NRDE2: variants seen among roughly 807,000 people sequenced by gnomAD.
The protein encoded by NRDE2 is NRDE-2, necessary for RNA interference, domain containing.
Under a neutral mutation model 124.2 loss-of-function variants are expected in NRDE2, and 76 were observed. The ratio of observed to expected loss-of-function variants is 0.61; its 90% CI spans 0.51 to 0.74. The LOEUF is 0.74. Among genes scored for constraint, NRDE2 ranks in the 30% least tolerant of loss-of-function variants. NRDE2 has a pLI of 0.00. For missense variants in NRDE2, 1,314 were observed against 1,417.3 expected, an observed-to-expected ratio of 0.93 and a Z score of 1.17; for synonymous variants, 489 against 528.1, an observed-to-expected ratio of 0.93 and a Z score of 1.01.
rs139954860 is a variant in NRDE2, at chr14:90,272,393, G to T, written c.*5943C>A. ...TAAGAAACAGGAAGGCACCCCTGAG[G>T]GGCTGTATCTCTAATGAACCATGGC... is the stretch of plus-strand genomic sequence containing the variant. On this transcript the variant is annotated 3_prime_UTR_variant, in exon 14 of 14. Coordinates refer to ENST00000354366, the MANE Select transcript of NRDE2 (RefSeq NM_017970.4). The surrounding 1 kb of genome is among the most constrained non-coding windows in gnomAD (Gnocchi z 4.5). The T allele has an allele frequency of 1.9e-6, 3 of 1,559,964 alleles. No homozygotes were observed. Among genetic ancestry groups the T allele is most frequent in the Non-Finnish European group, 2.6e-6 (3 of 1,151,136 alleles).
chr14:90,301,201 G>T, intron 7 of NRDE2, 38 bp downstream of exon 7: 1 of 1,604,806 alleles, frequency 6.2e-7, no homozygotes, highest in Non-Finnish European at 8.5e-7. Context: ...CAGAGAAAGA[G>T]CCAGGAAGAG....
chr14:90,288,836 C>T lies in NRDE2; in HGVS notation c.2539G>A (p.Val847Ile), dbSNP rs750783806. Residue 847 changes from valine (V) to isoleucine (I), a missense_variant, in exon 11 of 14, where the codon GTT (valine) becomes ATT (isoleucine). Val to Ile is a conservative substitution (Grantham distance 29). Coordinates refer to ENST00000354366, the MANE Select transcript of NRDE2 (RefSeq NM_017970.4). ...EVRRAATARA[V>I]HILTKLTESS... ...TCAGTCAGCTTGGTTAATATGTGAA[C>T]AGCTCGAGCTGTGGCAGCCCTTCTC... 2.2e-5 allele frequency: 36 copies of T among 1,614,024 alleles called. No individual in the cohort carries two copies. In the East Asian group the frequency reaches 3.1e-4, roughly 14 times the overall value.
Position 90,275,441 on chromosome 14 carries a change from T to A in NRDE2, c.*2895A>T, listed in dbSNP as rs192867333. 1 of 152,210 alleles carries A rather than the reference T, an allele frequency of 6.6e-6. No homozygotes were observed. Among genetic ancestry groups the A allele is most frequent in the Non-Finnish European group, 1.5e-5 (1 of 68,036 alleles). The allele number at this position is 152,210 out of a possible 1,614,324, so 9.4% of individuals were successfully genotyped here. A position where few individuals can be genotyped will look rare whatever the true frequency, so the allele number is the denominator to read the frequency against. ...AACAAAAAACCCCAGCACATCAGTA[T>A]TGCCTTTTCCTCATTGGTAATAGCT... On this transcript the variant is annotated 3_prime_UTR_variant, in exon 14 of 14. Coordinates refer to ENST00000354366, the MANE Select transcript of NRDE2 (RefSeq NM_017970.4).
chr14:90,329,171 G>A (rs1885569166), intron 1 of NRDE2, among the ~76,000 whole-genome samples: 2 of 152,092 alleles, frequency 1.3e-5, no homozygotes, highest in South Asian at 2.1e-4. Context: ...GCAAAAGTTC[G>A]ATTTCCCCCT....
rs139303187 is a variant in NRDE2 at position 90,331,905 on chromosome 14, G to A, written c.-1C>T. The A allele has an allele frequency of 2.5e-6, 4 of 1,613,990 alleles. No individual in the cohort carries two copies. Among genetic ancestry groups the A allele is most frequent in the Non-Finnish European group, 3.4e-6 (4 of 1,180,052 alleles). On this transcript the variant is annotated 5_prime_UTR_variant, in exon 1 of 14. Coordinates refer to ENST00000354366, the MANE Select transcript of NRDE2 (RefSeq NM_017970.4). Reference sequence around the variant, plus strand: ...CCGCAAAGGCTGGGAACAGCGCCATGACCACAGGCCGTACCTCCGTTCTTC... The same window carrying A: ...CCGCAAAGGCTGGGAACAGCGCCATAACCACAGGCCGTACCTCCGTTCTTC...
chr14:90,303,612 T>A (rs931140579), intron 5 of NRDE2, among the ~76,000 whole-genome samples: 2 of 152,204 alleles, frequency 1.3e-5, no homozygotes, highest in Non-Finnish European at 2.9e-5. Context: ...CCCTACCTGG[T>A]GAACATCTCT....
intron 3 of NRDE2, 23 bp from the exon 4 acceptor site, chr14:90,312,566 G>A: frequency 1.9e-6 from 3 of 1,613,342 alleles, no homozygotes; most frequent in Non-Finnish European, 1.7e-6. Context: ...GGAAGAAGAA[G>A]AAGGGAGAGG....
Position 90,270,393 on chromosome 14 carries a change from C to T in NRDE2, c.*7943G>A. The stretch of plus-strand genomic sequence containing the variant: ...TGTCAGCTTATTTCTGGGAATGTGG[C>T]CGTCAATCAGGAAAGAGTCTATATG... On this transcript the variant is annotated 3_prime_UTR_variant, in exon 14 of 14. Coordinates refer to ENST00000354366, the MANE Select transcript of NRDE2 (RefSeq NM_017970.4). 5 of 1,588,804 alleles carry T rather than the reference C, an allele frequency of 3.1e-6. No individual in the cohort carries two copies. In the South Asian group the frequency reaches 3.4e-5, roughly 11 times the overall value.
At chr14:90,326,593 T>C (rs1182384186) in intron 1 of NRDE2, among the ~76,000 whole-genome samples, 1 of 149,604 alleles carries the variant, frequency 6.7e-6, no homozygotes, top group African/African-American at 2.5e-5. Context: ...CTAATGAAAA[T>C]GTTAGTCTGC....
intron 3 of NRDE2, among the ~76,000 whole-genome samples, chr14:90,313,703 T>G (rs937025284): frequency 1.3e-5 from 2 of 152,180 alleles, no homozygotes; most frequent in African/African-American, 4.8e-5. Context: ...GGTGACAAAG[T>G]AGTCAAAACA....
chr14:90,284,162 C>T (rs956143216), intron 12 of NRDE2, among the ~76,000 whole-genome samples: 6 of 152,212 alleles, frequency 3.9e-5, no homozygotes, highest in Admixed American at 2.0e-4. Context: ...GAGAGACACA[C>T]CCGATGAATT....
At chr14:90,292,227 C>A (rs964916518) in intron 9 of NRDE2, among the ~76,000 whole-genome samples, 2 of 152,226 alleles carry the variant, frequency 1.3e-5, no homozygotes, top group Admixed American at 1.3e-4. Context: ...ATGGACCCTA[C>A]GGCCAGTCCC....
Position 90,301,368 on chromosome 14 carries a change from G to C in NRDE2, c.1416C>G (p.Leu472=). ...LPGTEEAMFA[L]FLQQCHFLRQ... Reference sequence around the variant, plus strand: ...GCAGAAAGTGGCACTGCTGAAGAAAGAGTGCTGCGAACAGGAGGGCAAAGG... The same window carrying C: ...GCAGAAAGTGGCACTGCTGAAGAAACAGTGCTGCGAACAGGAGGGCAAAGG... The change falls in exon 7 of 14, where the codon CTC becomes CTG. Residue 472 remains leucine (L), a synonymous_variant. Transcript: ENST00000354366. The C allele has an allele frequency of 6.2e-7, 1 of 1,613,788 alleles. No individual in the cohort carries two copies. The highest frequency in any genetic ancestry group is 1.3e-5 in the African/African-American group (1 of 75,042).
At chr14:90,325,413 T>C (rs779767467) in intron 1 of NRDE2, among the ~76,000 whole-genome samples, 1 of 152,216 alleles carries the variant, frequency 6.6e-6, no homozygotes, top group African/African-American at 2.4e-5. Flanking sequence ...CACTCTCTGC[T>C]GCTCCTGACA....
rs1891764148 is a variant in NRDE2 at position 90,274,826 on chromosome 14, A to ACACACACACACC, written c.*3509_*3510insGGTGTGTGTGTG. 1.8e-5 allele frequency: 2 copies of ACACACACACACC among 110,638 alleles called. No homozygotes were observed. The highest frequency in any genetic ancestry group is 4.1e-5 in the African/African-American group (1 of 24,462). The allele number at this position is 110,638 out of a possible 1,614,324, so 6.9% of individuals were successfully genotyped here. ...CACACACACACACACACACACACAC[A>ACACACACACACC]CACACACACACACCCCAATACATAT... On this transcript the variant is annotated 3_prime_UTR_variant, in exon 14 of 14. Coordinates refer to ENST00000354366, the MANE Select transcript of NRDE2 (RefSeq NM_017970.4).
At position 90,277,461 on chromosome 14, in the gene NRDE2, G is replaced by A. The variant is rs1290399946; in HGVS notation, c.*875C>T. On this transcript the variant is annotated 3_prime_UTR_variant, in exon 14 of 14. Transcript: ENST00000354366. The stretch of plus-strand genomic sequence containing the variant: ...CTCAGCACTAAAAATCTCTTCGGAG[G>A]CAGAACAAGTCTGAAAAATGGATGT... 5.2e-5 allele frequency: 8 copies of A among 152,384 alleles called. No homozygotes were observed. Among genetic ancestry groups the A allele is most frequent in the Non-Finnish European group, 2.9e-5 (2 of 68,046 alleles). 9.4% of individuals were successfully genotyped at this position (152,384 alleles called of 1,614,324 possible). A position where few individuals can be genotyped will look rare whatever the true frequency, so the allele number is the denominator to read the frequency against.
At chr14:90,315,254 C>T (rs543924262) in intron 3 of NRDE2, among the ~76,000 whole-genome samples, 59 of 150,874 alleles carry the variant, frequency 3.9e-4, no homozygotes, top group Non-Finnish European at 6.3e-4. Flanking sequence ...GCCTGTAGTC[C>T]CAGCTACTTG....
intron 4 of NRDE2, among the ~76,000 whole-genome samples, chr14:90,305,287 C>A (rs575303024): frequency 1.3e-5 from 2 of 152,190 alleles, no homozygotes; most frequent in African/African-American, 4.8e-5. Flanking sequence ...TGGTGAGTAA[C>A]CTGTGGAGTA....
At chr14:90,329,835 CAAAA>C (rs1173430522) in intron 1 of NRDE2, among the ~76,000 whole-genome samples, 1 of 56,152 alleles carries the variant, frequency 1.8e-5, no homozygotes, top group Admixed American at 2.1e-4. Flanking sequence ...GAGACTGCCT[CAAAA>C]AAAAAAAAAA....
Sources: gnomAD v4.1 joint callset for allele counts (sites outside exome capture counted in the v4.1 genomes callset) on GRCh38, gnomAD v4.1.1 for gene constraint, Gnocchi (gnomAD v3.1) non-coding constraint, MANE v1.5 for transcripts, NCBI Gene and HGNC (gene_info 2026-07-23, HGNC 2026-07-21) for gene names.